Variants in GPM6A observed in about 807,000 individuals in gnomAD.
GPM6A encodes glycoprotein M6A.
In GPM6A, 7 loss-of-function variants were observed where a neutral mutation model predicts 32.1. The observed-to-expected ratio is 0.22, with a 90% CI of 0.12 to 0.41. The LOEUF is 0.41. Ranked by LOEUF, GPM6A falls within the 10% of genes least tolerant of loss-of-function variation. The pLI, the probability that GPM6A is intolerant of heterozygous loss-of-function variation, is 1.00. For missense variants in GPM6A, 235 were observed against 347.2 expected, an observed-to-expected ratio of 0.68 and a Z score of 2.57; for synonymous variants, 130 against 123.4, an observed-to-expected ratio of 1.05 and a Z score of -0.35.
chr4:175,850,037 C>A (rs558191272), intron 1 of GPM6A, among the ~76,000 whole-genome samples: 6 of 152,116 alleles, frequency 3.9e-5, no homozygotes, highest in Non-Finnish European at 8.8e-5. Context: ...TTGACATCCA[C>A]CCTCATGTGC....
At chr4:175,913,726 G>C (rs1056284931) in intron 1 of GPM6A, among the ~76,000 whole-genome samples, 1 of 152,046 alleles carries the variant, frequency 6.6e-6, no homozygotes, top group South Asian at 2.1e-4. Context: ...TCTCCTTCAA[G>C]CCTTTGCCAA....
intron 4 of GPM6A, chr4:175,642,176 C>T (rs1741186067): frequency 6.6e-6 from 1 of 152,134 alleles, no homozygotes; most frequent in Non-Finnish European, 1.5e-5. Context: ...TACAGCCTTT[C>T]CTTTCTGCCA....
chr4:175,734,804 T>C (rs1044462646), intron 1 of GPM6A, among the ~76,000 whole-genome samples: 4 of 151,872 alleles, frequency 2.6e-5, no homozygotes, highest in African/African-American at 9.7e-5. Flanking sequence ...ACCTGGGAAG[T>C]GAAGGTTGCA....
intron 1 of GPM6A, among the ~76,000 whole-genome samples, chr4:175,745,703 C>A (rs985799417): frequency 1.3e-5 from 2 of 152,110 alleles, no homozygotes; most frequent in Non-Finnish European, 2.9e-5. Flanking sequence ...GCAGAAAGTG[C>A]AAAATAACCA....
intron 1 of GPM6A, among the ~76,000 whole-genome samples, chr4:175,961,628 T>C (rs1740165695): frequency 6.6e-6 from 1 of 152,168 alleles, no homozygotes; most frequent in Non-Finnish European, 1.5e-5. Flanking sequence ...TTCGGAGTTC[T>C]ACCTTCAGGA....
At position 175,851,779 on chromosome 4, in the gene GPM6A, T is replaced by A. The variant is rs558424876; in HGVS notation, c.-22-39530A>T. Among the ~76,000 whole-genome samples, 4 of 152,344 alleles carry A rather than the reference T, an allele frequency of 2.6e-5. No homozygotes were observed. In the East Asian group the frequency reaches 7.7e-4, roughly 29 times the overall value. On this transcript the variant is annotated intron_variant, in intron 1 of 7. Coordinates refer to the GPM6A transcript ENST00000280187. ...GAAAATATAATTTGCATTCCGTGTT[T>A]TGTTTGGTTTGCAGTTCAATAATGA...
chr4:175,635,331 G>C lies in GPM6A; in HGVS notation c.685-274C>G, dbSNP rs1486322026. Among the ~76,000 whole-genome samples the C allele has an allele frequency of 2.0e-5, 3 of 151,864 alleles. No homozygotes were observed. In the East Asian group the frequency reaches 5.8e-4, roughly 29 times the overall value. On this transcript the variant is annotated intron_variant, in intron 6 of 6. Transcript: ENST00000393658. The stretch of plus-strand genomic sequence containing the variant: ...CAAAACTAATTCTTAGTCTTTATAG[G>C]ATGTTTCCTGCCCAATGTGTCCTCA...
At chr4:175,882,453 ATCT>A (rs1238452820) in intron 1 of GPM6A, among the ~76,000 whole-genome samples, 1 of 152,010 alleles carries the variant, frequency 6.6e-6, no homozygotes, top group Non-Finnish European at 1.5e-5. Flanking sequence ...AATGGAAATC[ATCT>A]TTTTTGTACT....
chr4:175,956,176 G>C (rs1739979669), intron 1 of GPM6A, among the ~76,000 whole-genome samples: 1 of 152,146 alleles, frequency 6.6e-6, no homozygotes, highest in Non-Finnish European at 1.5e-5. Context: ...AAAAATTCCT[G>C]TTCTAGAGGA....
intron 6 of GPM6A, among the ~76,000 whole-genome samples, chr4:175,639,604 G>A (rs1741019648): frequency 6.6e-6 from 1 of 152,134 alleles, no homozygotes; most frequent in Admixed American, 6.6e-5. Context: ...GCACGTGGTA[G>A]ATCCTCCTCA....
At chr4:175,664,276 A>T (rs559385276) in intron 3 of GPM6A, among the ~76,000 whole-genome samples, 40 of 152,204 alleles carry the variant, frequency 2.6e-4, no homozygotes, top group Non-Finnish European at 5.7e-4. Context: ...ACACAACATT[A>T]TACGTTTGTC....
At chr4:175,668,519 A>ATCTGTGTGTGTGTGTGTGTGTGTGTG (rs1742873600) in intron 3 of GPM6A, among the ~76,000 whole-genome samples, 1 of 139,236 alleles carries the variant, frequency 7.2e-6, no homozygotes, top group African/African-American at 2.6e-5. Context: ...TCAAACGTTT[A>ATCTGTGTGTGTGTGTGTGTGTGTGTG]TGTGTGTGTG....
Position 175,882,246 on chromosome 4 carries a change from T to A in GPM6A, c.-22-69997A>T, listed in dbSNP as rs1207996389. Among the ~76,000 whole-genome samples, 123 of 152,140 alleles carry A rather than the reference T, an allele frequency of 8.1e-4. 2 individuals carry two copies. The highest frequency in any genetic ancestry group is 2.9e-5 in the Non-Finnish European group (2 of 67,964). On this transcript the variant is annotated intron_variant, in intron 1 of 7. Coordinates refer to the GPM6A transcript ENST00000280187. ...AATTACTATTTTTAGTCACATAAAT[T>A]TTCTTCAATATTTTCTGTAAGCTCT...
intron 1 of GPM6A, among the ~76,000 whole-genome samples, chr4:175,761,198 C>T (rs1043422421): frequency 2.6e-5 from 4 of 152,136 alleles, no homozygotes; most frequent in Non-Finnish European, 4.4e-5. Flanking sequence ...GGCTGGAGTT[C>T]ACTGCAACCT....
chr4:175,911,422 G>T (rs1302313976), intron 1 of GPM6A, among the ~76,000 whole-genome samples: 1 of 152,092 alleles, frequency 6.6e-6, no homozygotes, highest in Admixed American at 6.6e-5. Flanking sequence ...TAACACCTTG[G>T]AATATGTTAG....
At chr4:175,643,240 C>T (rs1426789636) in intron 4 of GPM6A, among the ~76,000 whole-genome samples, 1 of 152,142 alleles carries the variant, frequency 6.6e-6, no homozygotes, top group East Asian at 1.9e-4. Context: ...CTAGAGTAAT[C>T]CTTCTATTAT....
chr4:175,945,153 C>G (rs1739550003), intron 1 of GPM6A, among the ~76,000 whole-genome samples: 1 of 152,070 alleles, frequency 6.6e-6, no homozygotes, highest in South Asian at 2.1e-4. Context: ...GCAATTATCT[C>G]ACTACGGAAA....
intron 1 of GPM6A, among the ~76,000 whole-genome samples, chr4:175,709,716 A>AG (rs1745425330): frequency 6.8e-6 from 1 of 147,640 alleles, no homozygotes; most frequent in Non-Finnish European, 1.5e-5. Context: ...TGACAGAGCA[A>AG]GACTCCATCT....
intron 1 of GPM6A, among the ~76,000 whole-genome samples, chr4:175,931,703 CACACACATAT>C (rs1192102335): frequency 7.1e-6 from 1 of 140,624 alleles, no homozygotes; most frequent in African/African-American, 2.7e-5. Flanking sequence ...CACACACACA[CACACACATAT>C]ATATATATAT....
Sources: gnomAD v4.1 joint callset for allele counts (sites outside exome capture counted in the v4.1 genomes callset) on GRCh38, gnomAD v4.1.1 for gene constraint, MANE v1.5 for transcripts, NCBI Gene and HGNC (gene_info 2026-07-23, HGNC 2026-07-21) for gene names.